B9D1: variants seen among roughly 807,000 people sequenced by gnomAD.
The protein encoded by B9D1 is B9 domain-containing protein 1.
In B9D1, 20 loss-of-function variants were observed where a neutral mutation model predicts 26.1. The ratio of observed to expected loss-of-function variants is 0.77; its 90% CI spans 0.54 to 1.12. The LOEUF is 1.12. Ranked by LOEUF, B9D1 falls within the 50% of genes most tolerant of loss-of-function variation. The pLI, the probability that B9D1 is intolerant of heterozygous loss-of-function variation, is 0.00. For missense variants in B9D1, 260 were observed against 273.7 expected, an observed-to-expected ratio of 0.95 and a Z score of 0.35; for synonymous variants, 105 against 103.1, an observed-to-expected ratio of 1.02 and a Z score of -0.11.
chr17:19,355,545 A>AT (rs55995121), intron 3 of B9D1, among the ~76,000 whole-genome samples: 2 of 150,520 alleles, frequency 1.3e-5, no homozygotes, highest in Non-Finnish European at 3.0e-5. Flanking sequence ...AAAAAAAAAA[A>AT]TCGGCTGGGC....
upstream of B9D1, among the ~76,000 whole-genome samples, chr17:19,366,727 C>T (rs1911609477): frequency 6.6e-6 from 1 of 152,344 alleles, no homozygotes; most frequent in Admixed American, 6.5e-5. Flanking sequence ...GGAGGGGCCA[C>T]ACTTGGAACA....
At chr17:19,376,392 C>T (rs1340903095) in intron 1 of B9D1, among the ~76,000 whole-genome samples, 1 of 152,074 alleles carries the variant, frequency 6.6e-6, no homozygotes, top group Non-Finnish European at 1.5e-5. Flanking sequence ...CCAACATTAA[C>T]ATCAACACTG....
chr17:19,358,246 C>T (rs75010777), intron 2 of B9D1, among the ~76,000 whole-genome samples: 23 of 152,200 alleles, frequency 1.5e-4, no homozygotes, highest in Non-Finnish European at 2.1e-4. Context: ...CTTACACTCT[C>T]CTGCATCCCC....
At chr17:19,377,064 C>G (rs1912164532) in intron 1 of B9D1, among the ~76,000 whole-genome samples, 1 of 152,180 alleles carries the variant, frequency 6.6e-6, no homozygotes, top group Non-Finnish European at 1.5e-5. Flanking sequence ...CAATGTCAAT[C>G]TTGCATGTAT....
Position 19,343,829 on chromosome 17 carries a change from T to C in B9D1, c.433A>G (p.Thr145Ala). 6.2e-7 allele frequency: 1 copy of C among 1,614,064 alleles called. No individual in the cohort carries two copies. Among genetic ancestry groups the C allele is most frequent in the Non-Finnish European group, 8.5e-7 (1 of 1,179,964 alleles). Residue 145 changes from threonine to alanine, a missense_variant, in exon 6 of 7, where the codon ACA becomes GCA. Coordinates refer to ENST00000261499, the MANE Select transcript of B9D1 (RefSeq NM_015681.6). ...SWFMGRRPEY[T>A]DPKVVAQGEG... ...CCCTGAGCCACCACCTTGGGGTCTG[T>C]GTACTCGGGCCGCCGCCCCATGAAC...
chr17:19,361,813 G>A (rs1330438376), intron 1 of B9D1, among the ~76,000 whole-genome samples: 4 of 152,188 alleles, frequency 2.6e-5, no homozygotes, highest in Non-Finnish European at 5.9e-5. Context: ...AGGTCAGATA[G>A]GCGTGGGTTC....
Position 19,372,969 on chromosome 17 carries a change from G to A in B9D1, c.-298+4890C>T, listed in dbSNP as rs1329451281. On this transcript the variant is annotated intron_variant, in intron 1 of 5. Transcript: ENST00000477478. The surrounding 1 kb of genome is among the most constrained non-coding windows in gnomAD (Gnocchi z 4.4). ...ACCTTCCTGAAAACTCAGGTTTCCT[G>A]TGGGGAAATGGCCCTCATCCATACG... Among the ~76,000 whole-genome samples, 2 of 152,170 alleles carry A rather than the reference G, an allele frequency of 1.3e-5. No individual in the cohort carries two copies. Among genetic ancestry groups the A allele is most frequent in the African/African-American group, 2.4e-5 (1 of 41,438 alleles).
intron 1 of B9D1, among the ~76,000 whole-genome samples, chr17:19,373,164 C>T (rs1164539793): frequency 2.0e-5 from 3 of 152,158 alleles, no homozygotes; most frequent in Admixed American, 6.5e-5. Flanking sequence ...TGCCCACTGC[C>T]GTGATGGATG....
chr17:19,359,383 A>G lies in B9D1; in HGVS notation c.132+937T>C, dbSNP rs1244137496. Among the ~76,000 whole-genome samples the G allele has an allele frequency of 6.6e-6, 1 of 152,172 alleles. No individual in the cohort carries two copies. The highest frequency in any genetic ancestry group is 2.4e-5 in the African/African-American group (1 of 41,446). On this transcript the variant is annotated intron_variant, in intron 2 of 6. Transcript: ENST00000261499. This position sits in a 1 kb window ranked among gnomAD's most constrained non-coding sequence, Gnocchi z 5.0. ...TGCTGGTCCTCAAACATGCCAGGCA[A>G]GCTCCTGCTCCAGGGCCTTTGCACT...
intron 1 of B9D1, among the ~76,000 whole-genome samples, 163 bp from the exon 2 acceptor site, chr17:19,360,551 C>T (rs1266535208): frequency 2.0e-5 from 3 of 152,170 alleles, no homozygotes; most frequent in Middle Eastern, 3.2e-3. Flanking sequence ...GACCAAGAAG[C>T]GGGAGTCCAC....
Position 19,360,339 on chromosome 17 carries a change from T to G in B9D1, c.113A>C (p.Gln38Pro), listed in dbSNP as rs1248771637. The G allele has an allele frequency of 1.1e-5, 18 of 1,613,984 alleles. No individual in the cohort carries two copies. The highest frequency in any genetic ancestry group is 1.4e-5 in the Non-Finnish European group (17 of 1,180,012). The change falls in exon 2 of 7, where the codon CAG (glutamine) becomes CCG (proline). Residue 38 changes from glutamine (Q) to proline (P), a missense_variant. Transcript: ENST00000261499. ...LYCKYCFVYG[Q>P]DWAPTAGLEE... Reference sequence around the variant, plus strand: ...GCTTACCGCTGTGGGGGCCCAGTCCTGGCCGTACACAAAGCAGTACTTGCA... The same window carrying G: ...GCTTACCGCTGTGGGGGCCCAGTCCGGGCCGTACACAAAGCAGTACTTGCA...
At chr17:19,356,981 A>C (rs1910441076) in intron 3 of B9D1, among the ~76,000 whole-genome samples, 1 of 152,228 alleles carries the variant, frequency 6.6e-6, no homozygotes, top group Admixed American at 6.5e-5. Context: ...AGGACCACCA[A>C]GCATTTTCTG....
chr17:19,355,085 C>A (rs1910151640), intron 3 of B9D1, among the ~76,000 whole-genome samples: 1 of 152,104 alleles, frequency 6.6e-6, no homozygotes. Context: ...TGTCTCCTAC[C>A]TTCTCATCTA....
chr17:19,336,995 C>T (rs559605100), downstream of B9D1, among the ~76,000 whole-genome samples: 3 of 152,342 alleles, frequency 2.0e-5, no homozygotes, highest in South Asian at 6.2e-4. Context: ...TGTGTCCGCC[C>T]TCTTAATGCG....
At position 19,362,607 on chromosome 17, in the gene B9D1, G is replaced by T. The variant is rs751416942; in HGVS notation, c.-38C>A. ...GGTGCCGGGGGGACCCACCTAGGCC[G>T]CGCGCGGTTGCTAAGAGACGCCGGC... On this transcript the variant is annotated 5_prime_UTR_variant, in exon 1 of 7. Transcript: ENST00000261499. The T allele has an allele frequency of 7.0e-6, 11 of 1,575,884 alleles. No individual in the cohort carries two copies. In the South Asian group the frequency reaches 1.0e-4, roughly 15 times the overall value.
chr17:19,353,593 C>T (rs1909950520), intron 3 of B9D1, among the ~76,000 whole-genome samples: 1 of 151,542 alleles, frequency 6.6e-6, no homozygotes, highest in African/African-American at 2.4e-5. Flanking sequence ...GAGCCAAGAC[C>T]GCCCGCCATT....
chr17:19,340,714 G>A (rs1239201956), downstream of B9D1, among the ~76,000 whole-genome samples: 7 of 149,896 alleles, frequency 4.7e-5, no homozygotes, highest in South Asian at 2.1e-4. Flanking sequence ...ACTTGAACCC[G>A]GGAGGCAGAG....
chr17:19,377,727 C>G (rs1240688000), intron 1 of B9D1: 4 of 585,602 alleles, frequency 6.8e-6, no homozygotes, highest in Non-Finnish European at 8.6e-6. Flanking sequence ...CGGGACAGCT[C>G]GGTTCCAGCG....
In B9D1 at chr17:19,343,354, A is replaced by G. The variant is rs7212549; in HGVS notation, c.580T>C (p.Leu194=). The stretch of plus-strand genomic sequence containing the variant: ...AAGCTCTGGGGTGGGCTGGGCCCCA[A>G]CACACCCTGTGTATCAGAAGGCCCA... ...DTGPSDTQGV[L]GPSPPQSFPQ The change falls in exon 7 of 7, where the codon TTG becomes CTG. Residue 194 remains leucine (L), a synonymous_variant. Transcript: ENST00000261499. 6.1e-3 allele frequency: 9,787 copies of G among 1,614,074 alleles called. 246 individuals carry two copies. The highest frequency in any genetic ancestry group is 0.053 in the South Asian group (4,849 of 91,074).
Sources: gnomAD v4.1 joint callset for allele counts (sites outside exome capture counted in the v4.1 genomes callset) on GRCh38, gnomAD v4.1.1 for gene constraint, Gnocchi (gnomAD v3.1) non-coding constraint, MANE v1.5 for transcripts, NCBI Gene and HGNC (gene_info 2026-07-23, HGNC 2026-07-21) for gene names.